SLC10A1: variants seen among roughly 807,000 people sequenced by gnomAD.
SLC10A1 encodes hepatic sodium/bile acid cotransporter.
In SLC10A1, 36 loss-of-function variants were observed where a neutral mutation model predicts 20.5. The observed-to-expected ratio is 1.75, with a 90% CI of 1.34 to 2.32. The LOEUF (loss-of-function observed/expected upper bound fraction) is 2.32. Among genes scored for constraint, SLC10A1 ranks in the 30% most tolerant of loss-of-function variants. The pLI is 0.00. For missense variants in SLC10A1, 545 were observed against 439.1 expected (o/e 1.24, Z -2.16); for synonymous variants, 188 against 163.6 (o/e 1.15, Z -1.14).
chr14:69,792,424 C>G (rs1012200561), intron 1 of SLC10A1, among the ~76,000 whole-genome samples: 1 of 152,160 alleles, frequency 6.6e-6, no homozygotes, highest in Non-Finnish European at 1.5e-5. Context: ...CAGAAGAGGA[C>G]ACATGAATGG....
chr14:69,796,434 C>T (rs886728129), intron 1 of SLC10A1, among the ~76,000 whole-genome samples: 1 of 152,230 alleles, frequency 6.6e-6, no homozygotes, highest in African/African-American at 2.4e-5. Flanking sequence ...CCTTTTAAAT[C>T]TCTGGGCTCA....
intron 4 of SLC10A1, among the ~76,000 whole-genome samples, 200 bp from the exon 5 acceptor site, chr14:69,776,588 G>A (rs1222030068): frequency 1.3e-5 from 2 of 152,168 alleles, no homozygotes; most frequent in Non-Finnish European, 2.9e-5. Flanking sequence ...AGTACTAGTA[G>A]TAAAAGTCCT....
Position 69,778,480 on chromosome 14 carries a change from A to ACATTGAG in SLC10A1, c.795_796insCTCAATG (p.Cys266LeufsTer14). 6.2e-7 allele frequency: 1 copy of ACATTGAG among 1,613,020 alleles called. No homozygotes were observed. ...AAGGCCACATTGAGGATGGTGGAAC[A>ACATTGAG]GAGTTGGACATTTTGGCATCCAGTC... On this transcript the variant is annotated frameshift_variant, in exon 4 of 5. Transcript: ENST00000216540. LOFTEE classifies it high-confidence loss of function.
rs199613401 is a variant in SLC10A1 at position 69,778,536 on chromosome 14, C to T, written c.747-7G>A. 8.5e-5 allele frequency: 135 copies of T among 1,584,670 alleles called. No homozygotes were observed. Among genetic ancestry groups the T allele is most frequent in the Non-Finnish European group, 1.1e-4 (123 of 1,167,904 alleles). On this transcript the variant is annotated splice_polypyrimidine_tract_variant and splice_region_variant and intron_variant, in intron 3 of 4. Coordinates refer to ENST00000216540, the MANE Select transcript of SLC10A1 (RefSeq NM_003049.4). ...GCTGACAGTGCGTCTGCACCTGTGCCGGTGAAGAAAACCCCACATACACTC... is the reference window on the plus strand; with the variant it reads ...GCTGACAGTGCGTCTGCACCTGTGCTGGTGAAGAAAACCCCACATACACTC...
intron 2 of SLC10A1, among the ~76,000 whole-genome samples, 164 bp downstream of exon 2, chr14:69,785,933 A>G (rs181786567): frequency 2.0e-4 from 30 of 152,140 alleles, no homozygotes; most frequent in African/African-American, 6.7e-4. Context: ...CTTTCTGCAA[A>G]TATCAAACTC....
chr14:69,776,597 C>T (rs1317300318), intron 4 of SLC10A1, among the ~76,000 whole-genome samples: 1 of 152,158 alleles, frequency 6.6e-6, no homozygotes, highest in Non-Finnish European at 1.5e-5. Flanking sequence ...AGTAAAAGTC[C>T]TAATGAATTA....
rs865952700 is a variant in SLC10A1, at chr14:69,779,213, CAT to C, written c.713_714del (p.Tyr238CysfsTer39). 4 of 1,612,164 alleles carry C rather than the reference CAT, an allele frequency of 2.5e-6. No homozygotes were observed. In the African/African-American group the frequency reaches 4.0e-5, roughly 16 times the overall value. On this transcript the variant is annotated frameshift_variant, in exon 3 of 5. Coordinates refer to ENST00000216540, the MANE Select transcript of SLC10A1 (RefSeq NM_003049.4). LOFTEE classifies it high-confidence loss of function. ...TTGAGGCAGAAGAGAGCAGAGAGAACATAACCCAGCAGAAAGCCAATAAAAGG... is the reference window on the plus strand; with the variant it reads ...TTGAGGCAGAAGAGAGCAGAGAGAACAACCCAGCAGAAAGCCAATAAAAGG... Reference protein sequence around the residue: ...LMPFIGFLLGYVLSALFCLNG... With the variant: ...LMPFIGFLLGXVLSALFCLNG...
rs1555353176 is a variant in SLC10A1 at position 69,796,795 on chromosome 14, C to A, written c.356+5G>T. The A allele has an allele frequency of 6.2e-7, 1 of 1,609,202 alleles. No homozygotes were observed. The highest frequency in any genetic ancestry group is 8.5e-7 in the Non-Finnish European group (1 of 1,176,486). On this transcript the variant is annotated splice_donor_5th_base_variant and intron_variant, in intron 1 of 4. Transcript: ENST00000216540. ...AGGCTGTTCCCTCCTCACCCCCAGG[C>A]CTACCTGAGGTTCATGTCCCCCTTC...
intron 2 of SLC10A1, among the ~76,000 whole-genome samples, chr14:69,781,704 G>C (rs1302572217): frequency 1.3e-5 from 2 of 152,204 alleles, no homozygotes; most frequent in Non-Finnish European, 2.9e-5. Flanking sequence ...TGGTGAAAGT[G>C]GCTCCTGGAC....
At chr14:69,781,470 A>G (rs1470193643) in intron 2 of SLC10A1, among the ~76,000 whole-genome samples, 3 of 152,242 alleles carry the variant, frequency 2.0e-5, no homozygotes, top group Admixed American at 2.0e-4. Context: ...AAATAATCAG[A>G]TTCTCTCATT....
At chr14:69,795,184 TG>T (rs1882365295) in intron 1 of SLC10A1, among the ~76,000 whole-genome samples, 1 of 152,174 alleles carries the variant, frequency 6.6e-6, no homozygotes, top group Non-Finnish European at 1.5e-5. Context: ...AGAGAGGATG[TG>T]GATTAGACAG....
chr14:69,791,432 C>T lies in SLC10A1; in HGVS notation c.357-5125G>A, dbSNP rs546466302. Among the ~76,000 whole-genome samples the T allele has an allele frequency of 1.3e-4, 20 of 152,166 alleles. 1 individual carries two copies. In the South Asian group the frequency reaches 4.1e-3, roughly 32 times the overall value. On this transcript the variant is annotated intron_variant, in intron 1 of 4. Transcript: ENST00000216540. ...TCTCCTGCCTCAGCCTCTCAAGTAGCTGGGACTACAGGCGCCCGCCACCAC... is the reference window on the plus strand; with the variant it reads ...TCTCCTGCCTCAGCCTCTCAAGTAGTTGGGACTACAGGCGCCCGCCACCAC...
chr14:69,782,635 G>A (rs371619054), intron 2 of SLC10A1, among the ~76,000 whole-genome samples: 3 of 152,048 alleles, frequency 2.0e-5, no homozygotes, highest in Non-Finnish European at 4.4e-5. Flanking sequence ...GTGAAACCCC[G>A]TCTTTACTAA....
intron 1 of SLC10A1, among the ~76,000 whole-genome samples, chr14:69,796,009 T>C (rs2139724211): frequency 6.6e-6 from 1 of 152,336 alleles, no homozygotes; most frequent in Admixed American, 6.5e-5. Flanking sequence ...AGGTCTGAAG[T>C]AGCTCCTCTG....
intron 2 of SLC10A1, among the ~76,000 whole-genome samples, 155 bp from the exon 3 acceptor site, chr14:69,779,515 CCTTT>C (rs1272827398): frequency 6.6e-6 from 1 of 152,084 alleles, no homozygotes; most frequent in Non-Finnish European, 1.5e-5. Flanking sequence ...TTTTTGGATT[CCTTT>C]CTTTAAATTT....
At position 69,786,196 on chromosome 14, in the gene SLC10A1, A is replaced by G; in HGVS notation, c.468T>C (p.Tyr156=). ...YDGDLKDKVP[Y]KGIVISLVLV... ...GGACCAGTGATATCACGATGCCTTT[A>G]TAGGGCACCTTGTCCTTCAGGTCCC... Residue 156 remains tyrosine, a synonymous_variant, in exon 2 of 5, where the codon TAT becomes TAC. Coordinates refer to ENST00000216540, the MANE Select transcript of SLC10A1 (RefSeq NM_003049.4). 1.2e-6 allele frequency: 2 copies of G among 1,614,050 alleles called. No homozygotes were observed. Among genetic ancestry groups the G allele is most frequent in the Non-Finnish European group, 1.7e-6 (2 of 1,179,948 alleles).
intron 3 of SLC10A1, 22 bp downstream of exon 3, chr14:69,779,160 T>TAA (rs4646291): frequency 1.1e-4 from 147 of 1,396,582 alleles, no homozygotes; most frequent in South Asian, 3.7e-4. Flanking sequence ...GACCCTTTCT[T>TAA]AAAAAAAAAA....
chr14:69,786,076 T>G, intron 2 of SLC10A1, 21 bp downstream of exon 2: 3 of 1,603,046 alleles, frequency 1.9e-6, no homozygotes, highest in Non-Finnish European at 2.6e-6. Context: ...CCCTAATTTG[T>G]CAAGCCTCCC....
chr14:69,790,473 A>C (rs1412776160), intron 1 of SLC10A1, among the ~76,000 whole-genome samples: 1 of 152,114 alleles, frequency 6.6e-6, no homozygotes, highest in Non-Finnish European at 1.5e-5. Flanking sequence ...TAAAAAATAC[A>C]ATGAACAAGA....
Sources: gnomAD v4.1 joint callset for allele counts (sites outside exome capture counted in the v4.1 genomes callset) on GRCh38, gnomAD v4.1.1 for gene constraint, MANE v1.5 for transcripts, NCBI Gene and HGNC (gene_info 2026-07-23, HGNC 2026-07-21) for gene names.